The following TEX14 variants were observed in gnomAD, a reference collection of about 807,000 sequenced individuals.
The protein encoded by TEX14 is testis expressed 14, intercellular bridge forming factor, also known as inactive serine/threonine-protein kinase TEX14.
Under a neutral mutation model 178.6 loss-of-function variants are expected in TEX14, and 168 were observed. The ratio of observed to expected loss-of-function variants is 0.94; its 90% confidence interval spans 0.83 to 1.07. The LOEUF is 1.07. TEX14 is among the 50% of genes least tolerant of loss of function. The pLI is 0.00. For missense variants in TEX14, 1,730 were observed against 1,753.6 expected, an observed-to-expected ratio of 0.99 and a Z score of 0.24; for synonymous variants, 626 against 634.1, an observed-to-expected ratio of 0.99 and a Z score of 0.19.
chr17:58,654,582 C>T (rs1325550180), intron 1 of TEX14, among the ~76,000 whole-genome samples: 1 of 149,862 alleles, frequency 6.7e-6, no homozygotes, highest in Non-Finnish European at 1.5e-5. Flanking sequence ...TCTCAGCTCA[C>T]TGCAATCTCC....
chr17:58,621,786 T>A lies in TEX14; in HGVS notation c.418A>T (p.Ile140Leu), dbSNP rs1220783534. Reference sequence around the variant, plus strand: ...GCACAGCGCTGCATGAACTCCACTATCTGCAAAACATCGCAGAGATGCCCA... The same window carrying A: ...GCACAGCGCTGCATGAACTCCACTAACTGCAAAACATCGCAGAGATGCCCA... Reference protein sequence around the residue: ...LTAGKERSTQIVEFMQRCASH... With the variant: ...LTAGKERSTQLVEFMQRCASH... Residue 140 changes from isoleucine to leucine, a missense_variant and splice_region_variant, in exon 5 of 32, where the codon ATA (isoleucine) becomes TTA (leucine). Physicochemically the swap from Ile to Leu is conservative, Grantham distance 5. Coordinates refer to ENST00000349033, the MANE Select transcript of TEX14 (RefSeq NM_031272.5). 2 of 1,612,560 alleles carry A rather than the reference T, an allele frequency of 1.2e-6. No individual in the cohort carries two copies. The highest frequency in any genetic ancestry group is 3.3e-5 in the Admixed American group (2 of 59,726).
chr17:58,659,107 GCAACA>G (rs1368936568), intron 1 of TEX14, among the ~76,000 whole-genome samples: 1 of 148,016 alleles, frequency 6.8e-6, no homozygotes, highest in Non-Finnish European at 1.5e-5. Flanking sequence ...ATAAACACAC[GCAACA>G]ACACACAAGC....
In TEX14 at chr17:58,564,852, C is replaced by T. The variant is rs753412046; in HGVS notation, c.4064+17G>A. ...CAATTTTTTAAATCCTTTCAACAGT[C>T]CAGCTTTTCCTGTTACCTCTCTGTG... On this transcript the variant is annotated intron_variant, in intron 28 of 31. Coordinates refer to ENST00000349033, the MANE Select transcript of TEX14 (RefSeq NM_031272.5). 4.8e-6 allele frequency: 7 copies of T among 1,460,528 alleles called. No individual in the cohort carries two copies. Among genetic ancestry groups the T allele is most frequent in the Non-Finnish European group, 6.6e-6 (7 of 1,061,602 alleles). The allele number at this position is 1,460,528 out of a possible 1,614,324, so 90.5% of individuals were successfully genotyped here.
At chr17:58,584,144 C>A (rs988153512) in intron 19 of TEX14, among the ~76,000 whole-genome samples, 1 of 152,166 alleles carries the variant, frequency 6.6e-6, no homozygotes, top group East Asian at 1.9e-4. Flanking sequence ...CTCATAGCAA[C>A]CCTGCCCTTG....
intron 1 of TEX14, among the ~76,000 whole-genome samples, chr17:58,690,634 A>G (rs1371456532): frequency 6.6e-6 from 1 of 152,170 alleles, no homozygotes; most frequent in African/African-American, 2.4e-5. Flanking sequence ...AATCTCCCTG[A>G]AGATAGTATT....
chr17:58,609,433 G>A (rs1388832925), intron 10 of TEX14, among the ~76,000 whole-genome samples: 1 of 152,104 alleles, frequency 6.6e-6, no homozygotes, highest in African/African-American at 2.4e-5. Context: ...AGTAGAGATG[G>A]GGTTTCTCAA....
At chr17:58,616,510 A>G (rs1248843046) in intron 6 of TEX14, among the ~76,000 whole-genome samples, 5 of 150,114 alleles carry the variant, frequency 3.3e-5, no homozygotes, top group Non-Finnish European at 2.9e-5. Context: ...GGCTCACTGC[A>G]GCCTGGACCT....
intron 1 of TEX14, among the ~76,000 whole-genome samples, chr17:58,682,212 C>G (rs1485931613): frequency 3.3e-5 from 5 of 151,118 alleles, no homozygotes; most frequent in Non-Finnish European, 1.5e-5. Flanking sequence ...GCCTCCCAGA[C>G]AGTTGGGATT....
At chr17:58,681,182 C>T (rs1043407843) in intron 1 of TEX14, among the ~76,000 whole-genome samples, 5 of 152,104 alleles carry the variant, frequency 3.3e-5, no homozygotes, top group Admixed American at 2.6e-4. Context: ...ACAGGAGAAT[C>T]GCCTGAACCC....
intron 10 of TEX14, among the ~76,000 whole-genome samples, chr17:58,607,538 G>A (rs2045638989): frequency 6.6e-6 from 1 of 152,080 alleles, no homozygotes; most frequent in South Asian, 2.1e-4. Flanking sequence ...CCAATCAATT[G>A]GGTAACTTCA....
At chr17:58,567,449 A>T (rs187753841) in intron 26 of TEX14, among the ~76,000 whole-genome samples, 180 of 152,256 alleles carry the variant, frequency 1.2e-3, no homozygotes, top group African/African-American at 4.2e-3. Flanking sequence ...TTTGAAATTT[A>T]AAAAATCCAT....
chr17:58,672,370 C>A (rs1270600396), intron 1 of TEX14, among the ~76,000 whole-genome samples: 1 of 152,202 alleles, frequency 6.6e-6, no homozygotes, highest in East Asian at 1.9e-4. Context: ...GTTGCAGAAT[C>A]TTCCAGCACT....
intron 1 of TEX14, among the ~76,000 whole-genome samples, chr17:58,668,967 C>A (rs1414494757): frequency 6.6e-6 from 1 of 152,096 alleles, no homozygotes; most frequent in Non-Finnish European, 1.5e-5. Flanking sequence ...GGCTGAGAAC[C>A]ACTGTTCTAG....
intron 1 of TEX14, among the ~76,000 whole-genome samples, chr17:58,680,222 C>T (rs966029791): frequency 1.3e-5 from 2 of 151,982 alleles, no homozygotes; most frequent in East Asian, 3.9e-4. Flanking sequence ...GGCTTTCTTG[C>T]GCAGTTAAAC....
At chr17:58,595,720 G>C (rs75821275) in intron 14 of TEX14, among the ~76,000 whole-genome samples, 7,374 of 152,236 alleles carry the variant, frequency 0.048, 371 homozygotes, top group African/African-American at 0.13. Context: ...GCAAACAACT[G>C]AGTGATGCTA....
chr17:58,584,615 A>AAT lies in TEX14; in HGVS notation c.3071-16_3071-15insAT. On this transcript the variant is annotated splice_polypyrimidine_tract_variant and intron_variant, in intron 18 of 31. Transcript: ENST00000349033. ...GTGCCTGATACCTAATGATTGTAAC[A>AAT]CAGTCAGGGTCAAAGTCATTCAGTG... is the stretch of plus-strand genomic sequence containing the variant. The AAT allele has an allele frequency of 6.3e-7, 1 of 1,590,300 alleles. No individual in the cohort carries two copies.
intron 1 of TEX14, among the ~76,000 whole-genome samples, chr17:58,681,576 G>A (rs996728705): frequency 1.3e-5 from 2 of 152,040 alleles, no homozygotes; most frequent in East Asian, 1.9e-4. Context: ...AGGGCTGGTC[G>A]CAGTGGCTCA....
At chr17:58,618,829 T>C (rs1030941329) in intron 5 of TEX14, among the ~76,000 whole-genome samples, 2 of 152,250 alleles carry the variant, frequency 1.3e-5, no homozygotes, top group African/African-American at 4.8e-5. Context: ...GAGAAGACTC[T>C]GATGTTTAGA....
chr17:58,599,514 T>C lies in TEX14; in HGVS notation c.1831A>G (p.Ser611Gly). Residue 611 changes from serine to glycine, a missense_variant, in exon 14 of 32, where the codon AGC (serine) becomes GGC (glycine). By Grantham distance (56) the Ser-to-Gly change is moderately conservative (BLOSUM62 0). Around this residue, in one of 2 missense-constraint regions of TEX14, gnomAD observed 941 missense variants for 1,072.4 expected, o/e 0.88. Coordinates refer to ENST00000349033, the MANE Select transcript of TEX14 (RefSeq NM_031272.5). ...PFMAEEASSP[S>G]TGQPSLCSFE... ...CTGCAGAGGCTTGGCTGACCTGTGCTGGGGCTGCTGGCCTCTTCTGCCATA... is the reference window on the plus strand; with the variant it reads ...CTGCAGAGGCTTGGCTGACCTGTGCCGGGGCTGCTGGCCTCTTCTGCCATA... The C allele has an allele frequency of 6.2e-7, 1 of 1,614,066 alleles. No homozygotes were observed. Among genetic ancestry groups the C allele is most frequent in the Non-Finnish European group, 8.5e-7 (1 of 1,180,008 alleles).
Sources: allele counts gnomAD v4.1 joint callset (sites outside exome capture counted in the v4.1 genomes callset), GRCh38; gene constraint gnomAD v4.1.1; regional missense constraint gnomAD v4.1.1; transcripts MANE v1.5; gene names NCBI Gene and HGNC (gene_info 2026-07-23, HGNC 2026-07-21).